DAPK1: variants seen among roughly 807,000 people sequenced by gnomAD.
The protein encoded by DAPK1 is death associated protein kinase 1.
DAPK1 carries 56 observed loss-of-function variants against 144.9 expected under a neutral mutation model. That is an observed-to-expected ratio of 0.39 (90% CI 0.31 to 0.48). DAPK1 has a LOEUF of 0.48. Among genes scored for constraint, DAPK1 ranks in the 20% least tolerant of loss-of-function variants. The probability of loss-of-function intolerance (pLI) is 0.95; values close to 1 mark genes in which losing one functional copy is unlikely to be tolerated. For missense variants in DAPK1, 1,454 were observed against 1,875.4 expected (o/e 0.78, Z 4.15); for synonymous variants, 690 against 749.0 (o/e 0.92, Z 1.29).
At chr9:87,603,757 C>A (rs1828610828) in intron 2 of DAPK1, among the ~76,000 whole-genome samples, 1 of 152,160 alleles carries the variant, frequency 6.6e-6, no homozygotes, top group Non-Finnish European at 1.5e-5. Flanking sequence ...AGGGCACCAG[C>A]ATGGGGCCGG....
intron 2 of DAPK1, among the ~76,000 whole-genome samples, chr9:87,555,294 CA>C (rs1026124185): frequency 1.3e-5 from 2 of 152,134 alleles, no homozygotes; most frequent in African/African-American, 4.8e-5. Flanking sequence ...AATTAGGTCC[CA>C]GCTAAGCCTT....
At chr9:87,666,456 T>C (rs2119262993) in intron 18 of DAPK1, among the ~76,000 whole-genome samples, 1 of 151,334 alleles carries the variant, frequency 6.6e-6, no homozygotes, top group East Asian at 2.0e-4. Flanking sequence ...TTATTTTATA[T>C]ATATATATGT....
chr9:87,616,232 G>C lies in DAPK1; in HGVS notation c.284+11057G>C, dbSNP rs539761717. 1.6e-4 allele frequency among the ~76,000 whole-genome samples: 24 copies of C among 152,316 alleles called. 1 individual carries two copies. In the East Asian group the frequency reaches 2.3e-3, roughly 15 times the overall value. On this transcript the variant is annotated intron_variant, in intron 3 of 25. Coordinates refer to ENST00000408954, the MANE Select transcript of DAPK1 (RefSeq NM_004938.4). ...GTGGGATTGCTGAAGCCTAGGAGTG[G>C]GATGGCTTCATGGGGGCTCTGGTGT...
At chr9:87,552,980 C>T (rs1018667295) in intron 2 of DAPK1, among the ~76,000 whole-genome samples, 3 of 152,128 alleles carry the variant, frequency 2.0e-5, no homozygotes, top group African/African-American at 4.8e-5. Context: ...CCCTCACTAA[C>T]GTTTATCTCC....
At chr9:87,695,871 A>G (rs1463810718) in intron 21 of DAPK1, among the ~76,000 whole-genome samples, 1 of 152,080 alleles carries the variant, frequency 6.6e-6, no homozygotes, top group Non-Finnish European at 1.5e-5. Context: ...AAATCTTTTC[A>G]CCCACCTTCT....
At chr9:87,639,109 T>G (rs963422617) in intron 4 of DAPK1, among the ~76,000 whole-genome samples, 3 of 152,272 alleles carry the variant, frequency 2.0e-5, no homozygotes, top group Middle Eastern at 3.4e-3. Context: ...CTGTATCTCC[T>G]TTCTCTACCA....
At position 87,668,592 on chromosome 9, in the gene DAPK1, A is replaced by G. The variant is rs577427798; in HGVS notation, c.1924-5A>G. 1.5e-6 allele frequency: 2 copies of G among 1,335,674 alleles called. No individual in the cohort carries two copies. The highest frequency in any genetic ancestry group is 1.4e-5 in the African/African-American group (1 of 69,916). 82.7% of individuals were successfully genotyped at this position (1,335,674 alleles called of 1,614,324 possible). ...AAAAGAAACTAATGCATTTTTCTCCAACAGGACGGAAAGACGGCAGAAGAT... is the reference window on the plus strand; with the variant it reads ...AAAAGAAACTAATGCATTTTTCTCCGACAGGACGGAAAGACGGCAGAAGAT... On this transcript the variant is annotated splice_region_variant and splice_polypyrimidine_tract_variant and intron_variant, in intron 18 of 25. Coordinates refer to ENST00000408954, the MANE Select transcript of DAPK1 (RefSeq NM_004938.4).
At position 87,643,346 on chromosome 9, in the gene DAPK1, CCTT is replaced by C. The variant is rs766632804; in HGVS notation, c.919-29_919-27del. ...CCCTGCCTTTTTCCTCCCCGCCCTCCCTTTTTTTTTTTTTTTTTTTAAAAAAAA... is the reference window on the plus strand; with the variant it reads ...CCCTGCCTTTTTCCTCCCCGCCCTCCTTTTTTTTTTTTTTTTTAAAAAAAA... On this transcript the variant is annotated intron_variant, in intron 10 of 25. Transcript: ENST00000408954. 1.0e-5 allele frequency: 11 copies of C among 1,103,682 alleles called. No homozygotes were observed. In the African/African-American group the frequency reaches 2.0e-4, roughly 20 times the overall value. The allele number at this position is 1,103,682 out of a possible 1,614,324, so 68.4% of individuals were successfully genotyped here.
At chr9:87,571,439 A>C in intron 2 of DAPK1, among the ~76,000 whole-genome samples, 1 of 19,920 alleles carries the variant, frequency 5.0e-5, no homozygotes, top group African/African-American at 3.1e-4. Context: ...ACCCCCCAAC[A>C]CACACACACA....
intron 3 of DAPK1, among the ~76,000 whole-genome samples, chr9:87,625,122 A>G (rs980406697): frequency 6.6e-5 from 10 of 152,228 alleles, no homozygotes; most frequent in Non-Finnish European, 1.3e-4. Context: ...GATGCAAGAG[A>G]GTGTATGGCC....
chr9:87,531,109 C>G (rs1338289808), intron 2 of DAPK1, among the ~76,000 whole-genome samples: 1 of 152,102 alleles, frequency 6.6e-6, no homozygotes, highest in East Asian at 1.9e-4. Flanking sequence ...GGGGAGAGAT[C>G]TAGGTCAAAA....
At chr9:87,498,773 A>ACG (rs1824283395) in intron 1 of DAPK1, 197 bp from the exon 2 acceptor site, 2 of 430,322 alleles carry the variant, frequency 4.6e-6, no homozygotes, top group South Asian at 7.7e-5. Context: ...GCCCGGCCCC[A>ACG]CGCGCGCGCG....
chr9:87,647,740 C>T (rs1038261329), intron 14 of DAPK1, among the ~76,000 whole-genome samples: 7 of 152,206 alleles, frequency 4.6e-5, no homozygotes, highest in Admixed American at 6.5e-5. Context: ...TGCTTTTAAG[C>T]GGATCTCTCC....
intron 3 of DAPK1, among the ~76,000 whole-genome samples, chr9:87,628,263 T>C (rs752639380): frequency 1.3e-5 from 2 of 152,214 alleles, no homozygotes; most frequent in Non-Finnish European, 2.9e-5. Context: ...ACAGAACTTG[T>C]ATATTCAGAT....
At chr9:87,610,258 C>G (rs36208056) in intron 3 of DAPK1, among the ~76,000 whole-genome samples, 3,654 of 152,306 alleles carry the variant, frequency 0.024, 158 homozygotes, top group African/African-American at 0.084. Flanking sequence ...TTCTTAAAAT[C>G]ACGATTTCGG....
intron 2 of DAPK1, among the ~76,000 whole-genome samples, chr9:87,526,765 G>T (rs1312426113): frequency 6.6e-6 from 1 of 152,084 alleles, no homozygotes; most frequent in Non-Finnish European, 1.5e-5. Flanking sequence ...GTGTCGCCGT[G>T]CCCAAGTCTG....
chr9:87,695,614 C>T (rs989842699), intron 21 of DAPK1, among the ~76,000 whole-genome samples: 6 of 152,162 alleles, frequency 3.9e-5, no homozygotes, highest in African/African-American at 1.4e-4. Flanking sequence ...TTGACACTTT[C>T]CTGCCTGAAG....
At chr9:87,519,738 C>T (rs995006030) in intron 2 of DAPK1, among the ~76,000 whole-genome samples, 1 of 152,150 alleles carries the variant, frequency 6.6e-6, no homozygotes, top group Non-Finnish European at 1.5e-5. Flanking sequence ...AGGATCTGGT[C>T]TTTTTCCATG....
Position 87,707,726 on chromosome 9 carries a change from A to G in DAPK1, c.*362A>G, listed in dbSNP as rs1180325022. On this transcript the variant is annotated 3_prime_UTR_variant, in exon 26 of 26. Coordinates refer to ENST00000408954, the MANE Select transcript of DAPK1 (RefSeq NM_004938.4). The surrounding 1 kb of genome is among the most constrained non-coding windows in gnomAD (Gnocchi z 4.0). ...TTCAATGACATTTTTTTTAACTACTATATTGATTGTCCTTTAAAAAAGAAA... is the reference window on the plus strand; with the variant it reads ...TTCAATGACATTTTTTTTAACTACTGTATTGATTGTCCTTTAAAAAAGAAA... 1 of 434,708 alleles carries G rather than the reference A, an allele frequency of 2.3e-6. No individual in the cohort carries two copies. Among genetic ancestry groups the G allele is most frequent in the Non-Finnish European group, 4.4e-6 (1 of 228,620 alleles). 26.9% of individuals were successfully genotyped at this position (434,708 alleles called of 1,614,324 possible). A position where few individuals can be genotyped will look rare whatever the true frequency, so the allele number is the denominator to read the frequency against.
Sources: allele counts gnomAD v4.1 joint callset (sites outside exome capture counted in the v4.1 genomes callset), GRCh38; gene constraint gnomAD v4.1.1; non-coding constraint Gnocchi (gnomAD v3.1); transcripts MANE v1.5; gene names NCBI Gene and HGNC (gene_info 2026-07-23, HGNC 2026-07-21).